TNNI3K: variants seen among roughly 807,000 people sequenced by gnomAD.
TNNI3K encodes the protein TNNI3 interacting kinase.
A neutral mutation model predicts 114.5 loss-of-function variants in TNNI3K; 140 were observed. That is an observed-to-expected ratio of 1.22 (90% CI 1.07 to 1.41). TNNI3K has a LOEUF of 1.41. Among genes scored for constraint, TNNI3K ranks in the 40% most tolerant of loss-of-function variants. TNNI3K has a pLI of 0.00. For missense variants in TNNI3K, 1,125 were observed against 1,007.6 expected (o/e 1.12, Z -1.58); for synonymous variants, 347 against 347.5 (o/e 1.00, Z 0.02).
intron 17 of TNNI3K, among the ~76,000 whole-genome samples, chr1:74,427,945 T>G (rs1665714124): frequency 6.6e-6 from 1 of 151,964 alleles, no homozygotes; most frequent in East Asian, 1.9e-4. Flanking sequence ...GTATGAGGTT[T>G]TTTTTTTTTC....
intron 20 of TNNI3K, among the ~76,000 whole-genome samples, chr1:74,458,679 A>G (rs779818919): frequency 6.6e-6 from 1 of 152,216 alleles, no homozygotes; most frequent in African/African-American, 2.4e-5. Context: ...CATTTATTCA[A>G]TAAATGTTAC....
chr1:74,484,049 G>T (rs1180187137), intron 21 of TNNI3K, among the ~76,000 whole-genome samples: 1 of 151,728 alleles, frequency 6.6e-6, no homozygotes, highest in Non-Finnish European at 1.5e-5. Flanking sequence ...AATGTCTACA[G>T]TACAGAGTAT....
chr1:74,274,491 T>C (rs1035753025), intron 5 of TNNI3K, among the ~76,000 whole-genome samples: 3 of 152,142 alleles, frequency 2.0e-5, no homozygotes, highest in Admixed American at 2.0e-4. Flanking sequence ...ACTTTGTCTA[T>C]AAATGGTTAG....
intron 22 of TNNI3K, among the ~76,000 whole-genome samples, chr1:74,491,087 TG>T (rs1669049250): frequency 6.6e-6 from 1 of 152,194 alleles, no homozygotes; most frequent in South Asian, 2.1e-4. Flanking sequence ...TAATTAAAAC[TG>T]GGATACACAT....
intron 9 of TNNI3K, among the ~76,000 whole-genome samples, chr1:74,347,250 G>A (rs1661059564): frequency 6.8e-6 from 1 of 147,742 alleles, no homozygotes; most frequent in African/African-American, 2.5e-5. Flanking sequence ...AACATGCAGT[G>A]TTTGGTTTTT....
chr1:74,278,655 A>G (rs768523624), intron 5 of TNNI3K, among the ~76,000 whole-genome samples: 4 of 152,116 alleles, frequency 2.6e-5, no homozygotes, highest in African/African-American at 7.2e-5. Context: ...GTACACTTCA[A>G]TGGTTTTTAG....
At chr1:74,259,770 T>TTG (rs1360049758) in intron 4 of TNNI3K, among the ~76,000 whole-genome samples, 1 of 152,078 alleles carries the variant, frequency 6.6e-6, no homozygotes, top group Non-Finnish European at 1.5e-5. Context: ...AGACCCTGTC[T>TTG]CAAAAACAAA....
intron 11 of TNNI3K, among the ~76,000 whole-genome samples, chr1:74,366,153 T>G (rs141248265): frequency 0.023 from 3,536 of 152,156 alleles, 66 homozygotes; most frequent in Admixed American, 0.031. Flanking sequence ...CCATGTTAAC[T>G]ACAGATCCTT....
At chr1:74,409,076 A>G (rs1323465502) in intron 17 of TNNI3K, among the ~76,000 whole-genome samples, 1 of 152,154 alleles carries the variant, frequency 6.6e-6, no homozygotes, top group African/African-American at 2.4e-5. Flanking sequence ...GGCACTTTGC[A>G]ATTTATAAAT....
chr1:74,382,388 A>G (rs1663248727), intron 17 of TNNI3K, among the ~76,000 whole-genome samples: 1 of 152,222 alleles, frequency 6.6e-6, no homozygotes, highest in Non-Finnish European at 1.5e-5. Flanking sequence ...AGATTCTGCA[A>G]GAGATATTTG....
intron 21 of TNNI3K, among the ~76,000 whole-genome samples, chr1:74,476,887 T>C (rs1190055205): frequency 2.0e-5 from 3 of 152,176 alleles, no homozygotes; most frequent in African/African-American, 7.2e-5. Context: ...GTTTCTTTTT[T>C]TTCTGTTAAA....
chr1:74,328,243 A>C (rs1660017638), intron 5 of TNNI3K, among the ~76,000 whole-genome samples: 1 of 152,152 alleles, frequency 6.6e-6, no homozygotes, highest in Admixed American at 6.6e-5. Context: ...GTAGGGAACA[A>C]AATAGATTCA....
At chr1:74,354,425 G>A (rs1197708717) in intron 11 of TNNI3K, among the ~76,000 whole-genome samples, 3 of 151,886 alleles carry the variant, frequency 2.0e-5, no homozygotes, top group Non-Finnish European at 4.4e-5. Flanking sequence ...ATAGTAGAGT[G>A]GGCTCAGAGC....
chr1:74,394,842 A>G (rs1000872722), intron 17 of TNNI3K, among the ~76,000 whole-genome samples: 1 of 152,158 alleles, frequency 6.6e-6, no homozygotes, highest in Non-Finnish European at 1.5e-5. Flanking sequence ...CAGGAGATCC[A>G]GACCATCCTG....
chr1:74,513,957 C>T (rs1557620045), intron 23 of TNNI3K, among the ~76,000 whole-genome samples: 3 of 152,260 alleles, frequency 2.0e-5, no homozygotes, highest in South Asian at 2.1e-4. Context: ...AGTAAATAAT[C>T]TTCCAAAAAC....
intron 5 of TNNI3K, among the ~76,000 whole-genome samples, chr1:74,284,569 A>G (rs1657210163): frequency 6.6e-6 from 1 of 152,216 alleles, no homozygotes; most frequent in Non-Finnish European, 1.5e-5. Flanking sequence ...ATTGTAAAGG[A>G]TGGAACTTTT....
At chr1:74,481,540 T>C (rs1668502772) in intron 21 of TNNI3K, among the ~76,000 whole-genome samples, 1 of 152,216 alleles carries the variant, frequency 6.6e-6, no homozygotes, top group Non-Finnish European at 1.5e-5. Context: ...AGGATATATA[T>C]TCAATCCAGA....
chr1:74,515,649 C>A (rs1646338440), intron 23 of TNNI3K, among the ~76,000 whole-genome samples: 4 of 152,056 alleles, frequency 2.6e-5, no homozygotes. Flanking sequence ...TGTAGTCAAA[C>A]TAAGGGGATC....
At chr1:74,380,753 T>A (rs1663161330) in intron 17 of TNNI3K, among the ~76,000 whole-genome samples, 1 of 152,188 alleles carries the variant, frequency 6.6e-6, no homozygotes, top group Non-Finnish European at 1.5e-5. Flanking sequence ...TCTTGGCACC[T>A]TGTCGATTTC....
Sources: gnomAD v4.1 joint callset for allele counts (sites outside exome capture counted in the v4.1 genomes callset) on GRCh38, gnomAD v4.1.1 for gene constraint, MANE v1.5 for transcripts, NCBI Gene and HGNC (gene_info 2026-07-23, HGNC 2026-07-21) for gene names.